Variants in SLC8A1 observed in about 807,000 individuals in gnomAD.
SLC8A1 encodes solute carrier family 8 member A1, also known as sodium/calcium exchanger 1.
In SLC8A1, 18 loss-of-function variants were observed where a neutral mutation model predicts 68.3. The ratio of observed to expected loss-of-function variants is 0.26; its 90% CI spans 0.18 to 0.39. The LOEUF (loss-of-function observed/expected upper bound fraction) is 0.39. Among genes scored for constraint, SLC8A1 ranks in the 10% least tolerant of loss-of-function variants. The probability of loss-of-function intolerance (pLI) is 1.00; values close to 1 mark genes in which losing one functional copy is unlikely to be tolerated. For missense variants in SLC8A1, 985 were observed against 1,156.7 expected (o/e 0.85, Z 2.15); for synonymous variants, 475 against 415.5 (o/e 1.14, Z -1.74).
chr2:40,216,381 C>A (rs367560494), intron 2 of SLC8A1, among the ~76,000 whole-genome samples: 1 of 152,164 alleles, frequency 6.6e-6, no homozygotes. Context: ...ATATGTACCA[C>A]ATTTTCTTTA....
At chr2:40,477,944 T>C (rs1334299303) in intron 1 of SLC8A1, among the ~76,000 whole-genome samples, 1 of 152,184 alleles carries the variant, frequency 6.6e-6, no homozygotes, top group Non-Finnish European at 1.5e-5. Flanking sequence ...ATGACCATAA[T>C]GTATCAAGAA....
intron 2 of SLC8A1, among the ~76,000 whole-genome samples, chr2:40,343,693 A>G (rs903574957): frequency 5.9e-5 from 9 of 152,208 alleles, no homozygotes; most frequent in South Asian, 2.1e-4. Context: ...TAGACATATC[A>G]TAAGTTCTGT....
At chr2:40,400,345 G>A (rs1051404240) in intron 2 of SLC8A1, among the ~76,000 whole-genome samples, 2 of 152,060 alleles carry the variant, frequency 1.3e-5, no homozygotes, top group Non-Finnish European at 2.9e-5. Context: ...CGAAAGATGA[G>A]GGTACATAAT....
chr2:40,231,076 C>T (rs1242542765), intron 2 of SLC8A1, among the ~76,000 whole-genome samples: 1 of 152,194 alleles, frequency 6.6e-6, no homozygotes, highest in Non-Finnish European at 1.5e-5. Flanking sequence ...GGACTCATAG[C>T]TTCTACATTC....
chr2:40,489,326 C>A (rs1705171599), intron 1 of SLC8A1, among the ~76,000 whole-genome samples: 1 of 152,038 alleles, frequency 6.6e-6, no homozygotes, highest in Non-Finnish European at 1.5e-5. Flanking sequence ...GCCCCGTAAA[C>A]CAAAAAGCAT....
intron 2 of SLC8A1, among the ~76,000 whole-genome samples, chr2:40,221,373 A>G (rs1371736344): frequency 6.6e-6 from 1 of 152,176 alleles, no homozygotes; most frequent in Non-Finnish European, 1.5e-5. Context: ...GTATTGATAG[A>G]ACGTATTTCA....
chr2:40,287,582 A>ATATGTGTGTGTGTGTGTGTGTGTGTGTG (rs1553475923), intron 2 of SLC8A1, among the ~76,000 whole-genome samples: 25 of 127,572 alleles, frequency 2.0e-4, no homozygotes, highest in African/African-American at 5.9e-4. Flanking sequence ...CAGAGGAATG[A>ATATGTGTGTGTGTGTGTGTGTGTGTGTG]TGTGTGTGTG....
intron 2 of SLC8A1, among the ~76,000 whole-genome samples, chr2:40,400,162 C>T (rs980168950): frequency 2.6e-5 from 4 of 152,150 alleles, no homozygotes; most frequent in Admixed American, 2.0e-4. Context: ...TCGGTGAGCT[C>T]GGCTCTTGAG....
intron 2 of SLC8A1, among the ~76,000 whole-genome samples, chr2:40,405,124 G>C (rs2149675121): frequency 6.6e-6 from 1 of 152,220 alleles, no homozygotes; most frequent in African/African-American, 2.4e-5. Flanking sequence ...TCCTCACAAG[G>C]CAGAAGGGGA....
chr2:40,456,259 T>A (rs1460463118), upstream of SLC8A1, among the ~76,000 whole-genome samples: 1 of 139,306 alleles, frequency 7.2e-6, no homozygotes, highest in Non-Finnish European at 1.5e-5. Context: ...GAGCTTGCAG[T>A]GAGCAGAGAT....
chr2:40,250,733 T>C (rs963021025), intron 2 of SLC8A1, among the ~76,000 whole-genome samples: 3 of 152,198 alleles, frequency 2.0e-5, no homozygotes, highest in African/African-American at 7.2e-5. Context: ...CCATGAGTTA[T>C]GTTAAATGTG....
At chr2:40,473,744 TA>T (rs1007182371) in intron 1 of SLC8A1, among the ~76,000 whole-genome samples, 30 of 152,312 alleles carry the variant, frequency 2.0e-4, no homozygotes, top group African/African-American at 6.5e-4. Flanking sequence ...TAAATGGACT[TA>T]TATTTTTTTC....
chr2:40,234,945 G>A (rs1356641821), intron 2 of SLC8A1, among the ~76,000 whole-genome samples: 1 of 152,088 alleles, frequency 6.6e-6, no homozygotes, highest in Admixed American at 6.5e-5. Flanking sequence ...TCCCAGGGAT[G>A]AAGCCCACTT....
chr2:40,169,815 C>T (rs1200623772), intron 4 of SLC8A1, among the ~76,000 whole-genome samples: 1 of 152,222 alleles, frequency 6.6e-6, no homozygotes, highest in African/African-American at 2.4e-5. Flanking sequence ...GTGGTACACA[C>T]CTATAGTCCT....
At chr2:40,141,948 G>A (rs944034105) in intron 6 of SLC8A1, among the ~76,000 whole-genome samples, 14 of 152,122 alleles carry the variant, frequency 9.2e-5, no homozygotes, top group African/African-American at 3.4e-4. Context: ...GGCCTCAGGA[G>A]AAATCGAACC....
intron 6 of SLC8A1, among the ~76,000 whole-genome samples, chr2:40,151,269 G>GTA (rs2043369610): frequency 3.3e-5 from 1 of 30,670 alleles, no homozygotes; most frequent in Non-Finnish European, 5.6e-5. Context: ...TGTATGGTGC[G>GTA]TGTGTGTGTG....
At chr2:40,213,523 C>T (rs531277138) in intron 2 of SLC8A1, 5 of 152,246 alleles carry the variant, frequency 3.3e-5, no homozygotes, top group Non-Finnish European at 7.4e-5. Context: ...AATGAATAAC[C>T]GAAAGGGGCA....
At chr2:40,464,328 C>T (rs11679585) in intron 1 of SLC8A1, among the ~76,000 whole-genome samples, 21 of 152,102 alleles carry the variant, frequency 1.4e-4, no homozygotes, top group East Asian at 7.7e-4. Flanking sequence ...ATAGAGACAA[C>T]GCATTTCATA....
chr2:40,285,170 G>A (rs2149205198), intron 2 of SLC8A1, among the ~76,000 whole-genome samples: 1 of 152,222 alleles, frequency 6.6e-6, no homozygotes, highest in African/African-American at 2.4e-5. Context: ...TTACAGATGA[G>A]GAAATAGAAA....
Sources: allele counts gnomAD v4.1 joint callset (sites outside exome capture counted in the v4.1 genomes callset), GRCh38; gene constraint gnomAD v4.1.1; transcripts MANE v1.5; gene names NCBI Gene and HGNC (gene_info 2026-07-23, HGNC 2026-07-21).